MTIF2: variants seen among roughly 807,000 people sequenced by gnomAD.
MTIF2 encodes the protein translation initiation factor IF-2, mitochondrial.
MTIF2 carries 71 observed loss-of-function variants against 83.5 expected under a neutral mutation model. The ratio of observed to expected loss-of-function variants is 0.85; its 90% confidence interval spans 0.70 to 1.04. The LOEUF (loss-of-function observed/expected upper bound fraction) is 1.04, where lower values mean the gene tolerates loss of function less well. Among genes scored for constraint, MTIF2 ranks in the 50% least tolerant of loss-of-function variants. The pLI is 0.00. For missense variants in MTIF2, 957 were observed against 846.5 expected (o/e 1.13, Z -1.62); for synonymous variants, 319 against 287.1 (o/e 1.11, Z -1.12).
At chr2:55,263,921 A>C in intron 3 of MTIF2, 56 bp from the exon 4 acceptor site, 4 of 1,346,402 alleles carry the variant, frequency 3.0e-6, no homozygotes, top group Non-Finnish European at 3.1e-6. Flanking sequence ...GCAAATATTA[A>C]TTGGATATTT....
Position 55,263,870 on chromosome 2 carries a change from G to C in MTIF2, c.-7-5C>G. Reference sequence around the variant, plus strand: ...AGCTTCTGGTTCATGTTTCTCCTGGGGAAAAAAAAAAGGTTTTAAAATAAT... The same window carrying C: ...AGCTTCTGGTTCATGTTTCTCCTGGCGAAAAAAAAAAGGTTTTAAAATAAT... On this transcript the variant is annotated splice_region_variant and splice_polypyrimidine_tract_variant and intron_variant, in intron 3 of 15. Transcript: ENST00000263629. The C allele has an allele frequency of 6.3e-7, 1 of 1,577,582 alleles. No individual in the cohort carries two copies. Among genetic ancestry groups the C allele is most frequent in the South Asian group, 1.2e-5 (1 of 85,928 alleles).
intron 13 of MTIF2, among the ~76,000 whole-genome samples, chr2:55,241,133 C>T (rs559883381): frequency 6.6e-6 from 1 of 151,166 alleles, no homozygotes; most frequent in Admixed American, 6.6e-5. Context: ...AAAAAATTAA[C>T]CTGGACGGGC....
Position 55,245,538 on chromosome 2 carries a change from G to T in MTIF2, c.1106+799C>A, listed in dbSNP as rs114572174. 2.9e-3 allele frequency among the ~76,000 whole-genome samples: 448 copies of T among 152,134 alleles called. 2 individuals carry two copies. The highest frequency in any genetic ancestry group is 9.9e-3 in the African/African-American group (409 of 41,506). On this transcript the variant is annotated intron_variant, in intron 10 of 15. Transcript: ENST00000263629. Reference sequence around the variant, plus strand: ...AAAGTCCGTCTCAAAAAGAAAGAAAGAAATAAAGGAAAAGCAGAAAACAGA... The same window carrying T: ...AAAGTCCGTCTCAAAAAGAAAGAAATAAATAAAGGAAAAGCAGAAAACAGA...
At chr2:55,268,805 T>G (rs1678622825) in intron 1 of MTIF2, 66 bp from the exon 2 acceptor site, 1 of 152,212 alleles carries the variant, frequency 6.6e-6, no homozygotes, top group Admixed American at 6.5e-5. Flanking sequence ...AGCTGGAAGC[T>G]TTGGAACTTA....
intron 5 of MTIF2, among the ~76,000 whole-genome samples, chr2:55,259,458 T>C (rs1677790978): frequency 6.6e-6 from 1 of 150,914 alleles, no homozygotes; most frequent in Non-Finnish European, 1.5e-5. Flanking sequence ...AATAAAGAAT[T>C]ATGGTTATGG....
intron 13 of MTIF2, 96 bp from the exon 14 acceptor site, chr2:55,240,271 A>C: frequency 8.4e-7 from 1 of 1,188,898 alleles, no homozygotes; most frequent in South Asian, 1.6e-5. Context: ...AAATTGTTTT[A>C]TTTTCTAAAT....
chr2:55,253,060 G>A (rs1573889847), intron 7 of MTIF2, among the ~76,000 whole-genome samples: 1 of 152,118 alleles, frequency 6.6e-6, no homozygotes, highest in East Asian at 1.9e-4. Context: ...TGAGTCCATT[G>A]ACCTTGGGTT....
At chr2:55,246,316 C>A (rs771254476) in intron 10 of MTIF2, 21 bp downstream of exon 10, 1 of 1,575,538 alleles carries the variant, frequency 6.3e-7, no homozygotes, top group Non-Finnish European at 8.6e-7. Context: ...ATTAAAAAGG[C>A]AAGCATTTTA....
intron 14 of MTIF2, 76 bp from the exon 15 acceptor site, chr2:55,237,504 T>C: frequency 7.0e-7 from 1 of 1,422,016 alleles, no homozygotes. Flanking sequence ...CATTCTGTGG[T>C]ATAAGAATTA....
intron 4 of MTIF2, among the ~76,000 whole-genome samples, 174 bp downstream of exon 4, chr2:55,263,466 C>A (rs942687818): frequency 6.6e-6 from 1 of 152,210 alleles, no homozygotes; most frequent in East Asian, 1.9e-4. Context: ...GTAACTATAG[C>A]GGGTGCGGTG....
chr2:55,260,955 A>G (rs1677920031), intron 5 of MTIF2, among the ~76,000 whole-genome samples: 1 of 152,104 alleles, frequency 6.6e-6, no homozygotes, highest in South Asian at 2.1e-4. Flanking sequence ...AATAAAAATA[A>G]TATTATGAGA....
At chr2:55,266,672 T>C (rs1024644834) in intron 3 of MTIF2, among the ~76,000 whole-genome samples, 6 of 149,424 alleles carry the variant, frequency 4.0e-5, no homozygotes, top group Non-Finnish European at 7.4e-5. Flanking sequence ...TGTTCACAAA[T>C]GATAATAGTT....
intron 10 of MTIF2, among the ~76,000 whole-genome samples, chr2:55,244,918 G>A (rs1236632459): frequency 2.0e-5 from 3 of 151,942 alleles, no homozygotes; most frequent in African/African-American, 4.8e-5. Context: ...GTGGTGGCAC[G>A]CGCCTACAGT....
At chr2:55,252,448 G>T in intron 8 of MTIF2, 29 bp downstream of exon 8, 1 of 1,598,900 alleles carries the variant, frequency 6.3e-7, no homozygotes, top group Admixed American at 1.7e-5. Context: ...ACTTTATGTA[G>T]TAGATCCATT....
intron 5 of MTIF2, 77 bp from the exon 6 acceptor site, chr2:55,254,902 T>C (rs1041176609): frequency 1.3e-5 from 11 of 821,562 alleles, no homozygotes; most frequent in African/African-American, 1.8e-5. Context: ...TAAATGTCTA[T>C]ATAAACAGTA....
At chr2:55,267,724 T>C (rs1441543830) in intron 2 of MTIF2, 89 bp from the exon 3 acceptor site, 1 of 153,006 alleles carries the variant, frequency 6.5e-6, no homozygotes, top group African/African-American at 2.4e-5. Flanking sequence ...ATGTATATAC[T>C]TTATCATCAG....
intron 5 of MTIF2, among the ~76,000 whole-genome samples, chr2:55,259,869 G>T (rs1319643783): frequency 1.3e-5 from 2 of 151,954 alleles, no homozygotes; most frequent in Non-Finnish European, 2.9e-5. Flanking sequence ...GCTTGAACTG[G>T]GGAGGCAGGA....
chr2:55,240,159 A>C lies in MTIF2; in HGVS notation c.1722T>G (p.Phe574Leu). The change falls in exon 14 of 16, where the codon TTT (phenylalanine) becomes TTG (leucine). Residue 574 changes from phenylalanine to leucine, a missense_variant. Transcript: ENST00000263629. The stretch of plus-strand genomic sequence containing the variant: ...GGATAACATTGCCTGCATTCACATT[A>C]AAGCCATATATAACACCTAGCAAAC... ...AETFDGVIYG[F>L]NVNAGNVIQQ... is the part of the protein sequence containing the mutation. 5.0e-6 allele frequency: 8 copies of C among 1,613,508 alleles called. No individual in the cohort carries two copies. Among genetic ancestry groups the C allele is most frequent in the Non-Finnish European group, 6.8e-6 (8 of 1,179,532 alleles).
intron 14 of MTIF2, among the ~76,000 whole-genome samples, chr2:55,238,176 G>A (rs993258195): frequency 1.0e-4 from 13 of 125,004 alleles, no homozygotes; most frequent in African/African-American, 4.0e-4. Flanking sequence ...GACTACAGGT[G>A]CGTGCCACCA....
Sources: gnomAD v4.1 joint callset for allele counts (sites outside exome capture counted in the v4.1 genomes callset) on GRCh38, gnomAD v4.1.1 for gene constraint, MANE v1.5 for transcripts, NCBI Gene and HGNC (gene_info 2026-07-23, HGNC 2026-07-21) for gene names.